Variants in PLCH1 observed in about 807,000 individuals in gnomAD.
The protein encoded by PLCH1 is phospholipase C eta 1, also known as 1-phosphatidylinositol 4,5-bisphosphate phosphodiesterase eta-1.
In PLCH1, 60 loss-of-function variants were observed where a neutral mutation model predicts 126.7. The observed-to-expected ratio is 0.47, with a 90% CI of 0.38 to 0.59. The LOEUF (loss-of-function observed/expected upper bound fraction) is 0.59, where lower values mean the gene tolerates loss of function less well. PLCH1 is among the 20% of genes least tolerant of loss of function. The pLI is 0.00. For synonymous variants in PLCH1, 719 were observed against 734.9 expected, an observed-to-expected ratio of 0.98 and a Z score of 0.35; for missense variants, 1,723 against 2,040.0, an observed-to-expected ratio of 0.84 and a Z score of 2.99.
At chr3:155,527,781 G>A (rs11927134) in intron 10 of PLCH1, among the ~76,000 whole-genome samples, 3,027 of 151,108 alleles carry the variant, frequency 0.02, 95 homozygotes, top group African/African-American at 0.066. Context: ...TTAGCCAGGC[G>A]TGGTGGTAAG....
intron 12 of PLCH1, among the ~76,000 whole-genome samples, chr3:155,511,366 T>G (rs1174345710): frequency 7.8e-6 from 1 of 128,752 alleles, no homozygotes; most frequent in Non-Finnish European, 1.6e-5. Flanking sequence ...GTCAAAATCA[T>G]TCTCCATCCA....
intron 21 of PLCH1, among the ~76,000 whole-genome samples, chr3:155,455,296 G>A (rs2107967841): frequency 6.6e-6 from 1 of 152,200 alleles, no homozygotes; most frequent in African/African-American, 2.4e-5. Flanking sequence ...CAAGGGGACT[G>A]GAGTGAACTA....
chr3:155,521,518 C>T (rs1162645387), intron 11 of PLCH1, among the ~76,000 whole-genome samples: 1 of 152,194 alleles, frequency 6.6e-6, no homozygotes, highest in Admixed American at 6.5e-5. Flanking sequence ...AATCTAACCA[C>T]ATTCTCTCAA....
intron 1 of PLCH1, among the ~76,000 whole-genome samples, chr3:155,720,743 A>C (rs547564974): frequency 4.6e-5 from 7 of 152,082 alleles, no homozygotes; most frequent in Non-Finnish European, 2.9e-5. Flanking sequence ...CCATCTATTT[A>C]TATTTCTTTT....
chr3:155,561,284 TCCCCCCA>T (rs1727568300), intron 8 of PLCH1, among the ~76,000 whole-genome samples: 2 of 55,006 alleles, frequency 3.6e-5, no homozygotes, highest in South Asian at 1.6e-3. Flanking sequence ...CCTCCCCCCC[TCCCCCCA>T]CCCCACAACA....
chr3:155,601,740 T>C (rs1395038031), intron 2 of PLCH1, among the ~76,000 whole-genome samples: 1 of 152,086 alleles, frequency 6.6e-6, no homozygotes, highest in Non-Finnish European at 1.5e-5. Flanking sequence ...TGCAGTAAAA[T>C]TCAACTGTTT....
At position 155,631,670 on chromosome 3, in the gene PLCH1, C is replaced by T. The variant is rs1454549840; in HGVS notation, c.80-35292G>A. On this transcript the variant is annotated intron_variant, in intron 2 of 22. Transcript: ENST00000460012. ...TCTTTTTCCTCCCACAGAACAAGAA[C>T]AATTCAAACATCAGAATTTATCCCC... Among the ~76,000 whole-genome samples, 6 of 152,138 alleles carry T rather than the reference C, an allele frequency of 3.9e-5. No individual in the cohort carries two copies. In the South Asian group the frequency reaches 8.3e-4, roughly 21 times the overall value.
chr3:155,618,374 T>C (rs1034583523), intron 2 of PLCH1, among the ~76,000 whole-genome samples: 3 of 152,122 alleles, frequency 2.0e-5, no homozygotes, highest in African/African-American at 7.2e-5. Context: ...TGAGGCCCTA[T>C]AGGCTAAAAC....
At chr3:155,525,149 A>G (rs951260491) in intron 10 of PLCH1, among the ~76,000 whole-genome samples, 2 of 152,142 alleles carry the variant, frequency 1.3e-5, no homozygotes, top group Non-Finnish European at 2.9e-5. Context: ...GTAAGACCCC[A>G]TTTCTATTTT....
At chr3:155,501,980 C>T (rs1324920653) in intron 13 of PLCH1, among the ~76,000 whole-genome samples, 1 of 151,876 alleles carries the variant, frequency 6.6e-6, no homozygotes. Flanking sequence ...TAGGACCATG[C>T]CACCTTCTAG....
intron 21 of PLCH1, among the ~76,000 whole-genome samples, chr3:155,463,358 G>A (rs1447820998): frequency 6.6e-6 from 1 of 152,112 alleles, no homozygotes; most frequent in Non-Finnish European, 1.5e-5. Context: ...CCTCTACCAG[G>A]TGCTAAGTCT....
intron 11 of PLCH1, among the ~76,000 whole-genome samples, chr3:155,517,049 G>A (rs911306055): frequency 6.6e-6 from 1 of 152,148 alleles, no homozygotes; most frequent in African/African-American, 2.4e-5. Flanking sequence ...GCTCATGTCT[G>A]TAATCCCAGC....
At chr3:155,470,315 A>G (rs2107981960) in intron 21 of PLCH1, among the ~76,000 whole-genome samples, 1 of 152,372 alleles carries the variant, frequency 6.6e-6, no homozygotes, top group Non-Finnish European at 1.5e-5. Context: ...CAACTGGAAG[A>G]AAGGGTATCA....
intron 2 of PLCH1, among the ~76,000 whole-genome samples, chr3:155,622,316 G>A (rs868288732): frequency 6.6e-6 from 1 of 152,050 alleles, no homozygotes; most frequent in Non-Finnish European, 1.5e-5. Flanking sequence ...CATACCACAT[G>A]GTAAACACCA....
intron 21 of PLCH1, among the ~76,000 whole-genome samples, chr3:155,469,353 C>T (rs1181067322): frequency 6.6e-6 from 1 of 152,160 alleles, no homozygotes; most frequent in African/African-American, 2.4e-5. Context: ...CACCCGAATA[C>T]TGCGCTTTTC....
chr3:155,490,819 C>T lies in PLCH1; in HGVS notation c.2357G>A (p.Cys786Tyr). The change falls in exon 19 of 23, where the codon TGT becomes TAT. Residue 786 changes from cysteine to tyrosine, a missense_variant. Transcript: ENST00000460012. ...EVEIIGLPVDCCKDQTRVVDD... is the reference protein window; with the variant it reads ...EVEIIGLPVDYCKDQTRVVDD... ...TACCACACGGGTTTGATCTTTACAA[C>T]AATCTACTGGCAATCCAATAATTTC... 1 of 1,599,616 alleles carries T rather than the reference C, an allele frequency of 6.3e-7. No homozygotes were observed. The highest frequency in any genetic ancestry group is 8.6e-7 in the Non-Finnish European group (1 of 1,167,254).
At chr3:155,622,482 T>G (rs1383526195) in intron 2 of PLCH1, among the ~76,000 whole-genome samples, 1 of 151,866 alleles carries the variant, frequency 6.6e-6, no homozygotes, top group Non-Finnish European at 1.5e-5. Flanking sequence ...GGATACTGAG[T>G]CAAGACCCAT....
In PLCH1 at chr3:155,481,603, C is replaced by A. The variant is rs1394474385; in HGVS notation, c.4423G>T (p.Ala1475Ser). 6.2e-7 allele frequency: 1 copy of A among 1,614,134 alleles called. No individual in the cohort carries two copies. Among genetic ancestry groups the A allele is most frequent in the Non-Finnish European group, 8.5e-7 (1 of 1,180,038 alleles). Residue 1475 changes from alanine to serine, a missense_variant, in exon 23 of 23, where the codon GCT becomes TCT. Ala to Ser is a moderately conservative substitution (Grantham distance 99). Around this residue, in one of 2 missense-constraint regions of PLCH1, gnomAD observed 947 missense variants for 977.1 expected, o/e 0.97. Transcript: ENST00000460012. The surrounding 1 kb of genome is among the most constrained non-coding windows in gnomAD (Gnocchi z 4.2). ...TTGCAAGGACTAGGCAGTTTCAGAG[C>A]AGGCAAAGGAAGATGTGCCAACTGC... ...PKQLAHLPLP[A>S]LKLPSPCKSK... is the part of the protein sequence containing the mutation.
intron 1 of PLCH1, among the ~76,000 whole-genome samples, chr3:155,741,684 C>CTTTTATTTTTTTTTTATTTTTATTTTT: frequency 3.4e-4 from 35 of 102,866 alleles, no homozygotes; most frequent in East Asian, 8.4e-4. Flanking sequence ...TTTATATCCT[C>CTTTTATTTTTTTTTTATTTTTATTTTT]TTTTTTTTTT....
Sources: allele counts gnomAD v4.1 joint callset (sites outside exome capture counted in the v4.1 genomes callset), GRCh38; gene constraint gnomAD v4.1.1; regional missense constraint gnomAD v4.1.1; non-coding constraint Gnocchi (gnomAD v3.1); transcripts MANE v1.5; gene names NCBI Gene and HGNC (gene_info 2026-07-23, HGNC 2026-07-21).